The following TNS1 variants were observed in gnomAD, a reference collection of about 807,000 sequenced individuals.
TNS1 encodes the protein tensin-1.
TNS1 carries 62 observed loss-of-function variants against 168.6 expected under a neutral mutation model. The observed-to-expected ratio is 0.37, with a 90% CI of 0.30 to 0.45. The LOEUF is 0.45. TNS1 is among the 20% of genes least tolerant of loss of function. TNS1 has a pLI of 1.00. For synonymous variants in TNS1, 934 were observed against 933.2 expected, an observed-to-expected ratio of 1.00 and a Z score of -0.02; for missense variants, 2,240 against 2,339.4, an observed-to-expected ratio of 0.96 and a Z score of 0.88.
chr2:217,933,449 G>A (rs1956431240), intron 3 of TNS1, among the ~76,000 whole-genome samples: 1 of 152,084 alleles, frequency 6.6e-6, no homozygotes, highest in Non-Finnish European at 1.5e-5. Flanking sequence ...GTCACCCCCT[G>A]GTGCTTGGGC....
chr2:218,033,034 G>T lies in TNS1; in HGVS notation c.156+786C>A, dbSNP rs1367232375. Among the ~76,000 whole-genome samples, 1 of 152,114 alleles carries T rather than the reference G, an allele frequency of 6.6e-6. No individual in the cohort carries two copies. ...TGCCCACCTTTACCTGGCCCAACAGGCACCTGCCCCATGTCAAAGCTGGCT... is the reference window on the plus strand; with the variant it reads ...TGCCCACCTTTACCTGGCCCAACAGTCACCTGCCCCATGTCAAAGCTGGCT... On this transcript the variant is annotated intron_variant, in intron 1 of 1. Coordinates refer to the TNS1 transcript ENST00000649572. The surrounding 1 kb of genome is among the most constrained non-coding windows in gnomAD (Gnocchi z 4.3).
chr2:218,022,952 G>A (rs918912490), intron 1 of TNS1, among the ~76,000 whole-genome samples: 4 of 152,130 alleles, frequency 2.6e-5, no homozygotes, highest in African/African-American at 7.2e-5. Context: ...TGAGCCAGGG[G>A]GCAACAGGCC....
At chr2:217,818,796 G>C in intron 23 of TNS1, 37 bp from the exon 24 acceptor site, 5 of 1,524,614 alleles carry the variant, frequency 3.3e-6, no homozygotes, top group Non-Finnish European at 4.5e-6. Context: ...TCAGTGGACA[G>C]AACTGAATGA....
At chr2:217,811,088 C>T (rs1029641902) in intron 28 of TNS1, among the ~76,000 whole-genome samples, 66 of 152,124 alleles carry the variant, frequency 4.3e-4, no homozygotes, top group Non-Finnish European at 5.0e-4. Flanking sequence ...TGATATTCTA[C>T]AGGCTGGTCT....
intron 9 of TNS1, among the ~76,000 whole-genome samples, 193 bp downstream of exon 9, chr2:217,894,813 C>T (rs1952105965): frequency 6.6e-6 from 1 of 152,192 alleles, no homozygotes; most frequent in South Asian, 2.1e-4. Context: ...TGGAAAGTCA[C>T]TGCCCCAAGC....
intron 19 of TNS1, among the ~76,000 whole-genome samples, chr2:217,843,084 G>C (rs1372202135): frequency 6.6e-6 from 1 of 151,136 alleles, no homozygotes; most frequent in South Asian, 2.1e-4. Context: ...ATGTTGAATC[G>C]AATGATTGAA....
intron 23 of TNS1, among the ~76,000 whole-genome samples, chr2:217,820,205 C>T (rs1196569717): frequency 6.6e-6 from 1 of 152,156 alleles, no homozygotes; most frequent in Non-Finnish European, 1.5e-5. Context: ...GAAAGGCTAG[C>T]TTCCTGGAAA....
chr2:217,807,043 G>A (rs1043464652), intron 32 of TNS1, among the ~76,000 whole-genome samples: 3 of 152,190 alleles, frequency 2.0e-5, no homozygotes, highest in African/African-American at 4.8e-5. Context: ...CTCCCCAGAC[G>A]TAAGCTGAAC....
intron 25 of TNS1, among the ~76,000 whole-genome samples, chr2:217,814,515 G>A (rs7562840): frequency 0.046 from 6,995 of 152,228 alleles, 405 homozygotes; most frequent in Admixed American, 0.16. Context: ...ATGGGCTGCC[G>A]TTGCTGACCC....
intron 3 of TNS1, among the ~76,000 whole-genome samples, chr2:217,927,158 G>C (rs1212275839): frequency 6.6e-6 from 1 of 152,226 alleles, no homozygotes; most frequent in African/African-American, 2.4e-5. Context: ...CACTTGGTGA[G>C]TGGATAAGGT....
intron 1 of TNS1, among the ~76,000 whole-genome samples, chr2:218,001,165 AAT>A (rs201390179): frequency 6.8e-6 from 1 of 147,268 alleles, no homozygotes; most frequent in Non-Finnish European, 1.5e-5. Flanking sequence ...TTAAAAAAAA[AAT>A]GAATAAATAA....
chr2:217,852,888 C>A (rs917884603), intron 18 of TNS1, among the ~76,000 whole-genome samples: 1 of 152,210 alleles, frequency 6.6e-6, no homozygotes, highest in Non-Finnish European at 1.5e-5. Flanking sequence ...ACCCTCCAGG[C>A]CACTCAGCAC....
chr2:218,011,589 C>G (rs1316172037), upstream of TNS1, among the ~76,000 whole-genome samples: 1 of 152,088 alleles, frequency 6.6e-6, no homozygotes, highest in Non-Finnish European at 1.5e-5. Context: ...CTCCCTGTCC[C>G]CTTCCTCTCC....
intron 24 of TNS1, 61 bp from the exon 25 acceptor site, chr2:217,815,059 T>A: frequency 7.3e-7 from 1 of 1,376,994 alleles, no homozygotes; most frequent in Non-Finnish European, 1.0e-6. Context: ...AAAACATACA[T>A]CAAAGTCCTG....
intron 6 of TNS1, among the ~76,000 whole-genome samples, chr2:217,904,354 G>C (rs1953400799): frequency 1.3e-5 from 2 of 152,220 alleles, no homozygotes; most frequent in South Asian, 4.1e-4. Flanking sequence ...CATTATCACA[G>C]CAGCAGGCCC....
intron 19 of TNS1, chr2:217,841,967 C>A: frequency 1.5e-6 from 1 of 663,324 alleles, no homozygotes; most frequent in Non-Finnish European, 2.7e-6. Context: ...CCCTTGTTGA[C>A]TTCTAACCCA....
At chr2:218,006,692 C>T (rs889787764), upstream of TNS1, among the ~76,000 whole-genome samples, 37 of 152,332 alleles carry the variant, frequency 2.4e-4, no homozygotes, top group African/African-American at 7.9e-4. Context: ...CTCCTTGGTT[C>T]CCCACTACAG....
intron 3 of TNS1, among the ~76,000 whole-genome samples, chr2:217,971,461 C>T (rs912455444): frequency 1.3e-5 from 2 of 152,174 alleles, no homozygotes; most frequent in South Asian, 2.1e-4. Context: ...ATTTCTTTAT[C>T]CATTTACCTG....
intron 3 of TNS1, among the ~76,000 whole-genome samples, chr2:217,947,941 A>T (rs1957152436): frequency 6.6e-6 from 1 of 152,180 alleles, no homozygotes; most frequent in South Asian, 2.1e-4. Flanking sequence ...AGTGCCTATG[A>T]TTCTCACCTC....
Sources: gnomAD v4.1 joint callset for allele counts (sites outside exome capture counted in the v4.1 genomes callset) on GRCh38, gnomAD v4.1.1 for gene constraint, Gnocchi (gnomAD v3.1) non-coding constraint, MANE v1.5 for transcripts, NCBI Gene and HGNC (gene_info 2026-07-23, HGNC 2026-07-21) for gene names.